The following ZC3H18 variants were observed in gnomAD, a reference collection of about 807,000 sequenced individuals.
The protein encoded by ZC3H18 is zinc finger CCCH-type containing 18, also known as zinc finger CCCH domain-containing protein 18.
In ZC3H18, 8 loss-of-function variants were observed where a neutral mutation model predicts 106.1. The observed-to-expected ratio is 0.08, with a 90% CI of 0.04 to 0.14. The LOEUF (loss-of-function observed/expected upper bound fraction) is 0.14. ZC3H18 is among the 10% of genes least tolerant of loss of function. ZC3H18 has a pLI of 1.00. For missense variants in ZC3H18, 1,318 were observed against 1,278.4 expected (o/e 1.03, Z -0.47); for synonymous variants, 635 against 522.1 (o/e 1.22, Z -2.95).
chr16:88,577,804 T>G (rs1172854449), intron 2 of ZC3H18, 78 bp downstream of exon 2: 1 of 1,606,118 alleles, frequency 6.2e-7, no homozygotes, highest in East Asian at 2.2e-5. Context: ...AAGGAGGGAC[T>G]CTGTGTGGGA....
chr16:88,608,889 A>G (rs765569979), intron 6 of ZC3H18, 45 bp from the exon 7 acceptor site: 38 of 1,499,882 alleles, frequency 2.5e-5, no homozygotes, highest in Non-Finnish European at 3.4e-5. Context: ...TTTTTACGCC[A>G]GTGCTCCTAA....
chr16:88,603,022 T>G (rs139960281), intron 6 of ZC3H18, among the ~76,000 whole-genome samples: 225 of 151,950 alleles, frequency 1.5e-3, no homozygotes, highest in African/African-American at 5.2e-3. Context: ...TGGAGTGTAG[T>G]GGTGCCATCT....
intron 3 of ZC3H18, among the ~76,000 whole-genome samples, chr16:88,592,742 G>A (rs1384629019): frequency 4.6e-5 from 7 of 152,156 alleles, no homozygotes; most frequent in Non-Finnish European, 8.8e-5. Context: ...CTCCCAAATC[G>A]AAACTATATT....
At chr16:88,583,511 C>A (rs1417579476) in intron 2 of ZC3H18, among the ~76,000 whole-genome samples, 1 of 152,236 alleles carries the variant, frequency 6.6e-6, no homozygotes, top group Non-Finnish European at 1.5e-5. Context: ...GGTGACCTGT[C>A]CACACTCACA....
At chr16:88,608,798 C>T (rs1347689446) in intron 6 of ZC3H18, 136 bp from the exon 7 acceptor site, 4 of 641,758 alleles carry the variant, frequency 6.2e-6, no homozygotes, top group Non-Finnish European at 1.1e-5. Flanking sequence ...ATTTCCTAAC[C>T]TTGAGCCAAC....
chr16:88,610,085 A>C (rs958998337), intron 7 of ZC3H18, among the ~76,000 whole-genome samples: 2 of 151,690 alleles, frequency 1.3e-5, no homozygotes, highest in African/African-American at 4.9e-5. Context: ...GCTGCACCTC[A>C]CTGCTCTCAT....
At chr16:88,610,410 C>T (rs1339379765) in intron 7 of ZC3H18, among the ~76,000 whole-genome samples, 2 of 152,172 alleles carry the variant, frequency 1.3e-5, no homozygotes, top group African/African-American at 2.4e-5. Context: ...TCTTGTGCCC[C>T]GTCTCTCCAT....
At chr16:88,587,542 A>T (rs1336511838) in intron 3 of ZC3H18, 2 of 1,536,038 alleles carry the variant, frequency 1.3e-6, no homozygotes, top group South Asian at 2.4e-5. Context: ...TCTTTTCCAG[A>T]TGTTGTGACA....
At position 88,573,860 on chromosome 16, in the gene ZC3H18, T is replaced by A. The variant is rs139786903; in HGVS notation, c.-14-3250T>A. 4.1e-3 allele frequency among the ~76,000 whole-genome samples: 621 copies of A among 152,162 alleles called. 15 individuals are homozygous for A. In the South Asian group the frequency reaches 0.048, roughly 12 times the overall value. On this transcript the variant is annotated intron_variant, in intron 1 of 17. Coordinates refer to ENST00000301011, the MANE Select transcript of ZC3H18 (RefSeq NM_144604.4). ...GGATTGGTTGGTTTGTAAATCTATG[T>A]TATTGCTAACCATTTAGGTTTTTTT...
At position 88,590,564 on chromosome 16, in the gene ZC3H18, C is replaced by CTTT. The variant is rs57632461; in HGVS notation, c.688+3894_688+3896dup. Among the ~76,000 whole-genome samples, 366 of 100,644 alleles carry CTTT rather than the reference C, an allele frequency of 3.6e-3. 19 individuals carry two copies. The highest frequency in any genetic ancestry group is 0.013 in the African/African-American group (346 of 26,080). The allele number at this position is 100,644 out of a possible 152,430, so 66.0% of individuals were successfully genotyped here. The stretch of plus-strand genomic sequence containing the variant: ...TGTCCCACTTTGGGTTTCTTTATTT[C>CTTT]TTTTTTTTTTTTTTTTGAGACAGTG... On this transcript the variant is annotated intron_variant, in intron 3 of 17. Coordinates refer to ENST00000301011, the MANE Select transcript of ZC3H18 (RefSeq NM_144604.4).
chr16:88,586,802 T>G (rs563049588), intron 3 of ZC3H18, 118 bp downstream of exon 3: 45 of 629,170 alleles, frequency 7.2e-5, no homozygotes, highest in Middle Eastern at 3.6e-4. Context: ...TGGGCATTAC[T>G]GGCTAGGTGG....
At chr16:88,613,169 C>T (rs948661774) in intron 8 of ZC3H18, among the ~76,000 whole-genome samples, 2 of 152,206 alleles carry the variant, frequency 1.3e-5, no homozygotes, top group African/African-American at 2.4e-5. Flanking sequence ...TCTTCTACTC[C>T]GAGCGTTTTT....
At chr16:88,584,989 C>T (rs1915352546) in intron 2 of ZC3H18, among the ~76,000 whole-genome samples, 1 of 152,202 alleles carries the variant, frequency 6.6e-6, no homozygotes. Context: ...GTGTTCTCCA[C>T]TTAGATTTGA....
rs962429109 is a variant in ZC3H18 at position 88,586,605 on chromosome 16, T to A, written c.609T>A (p.Asp203Glu). Residue 203 changes from aspartate (D) to glutamate (E), a missense_variant, in exon 3 of 18, where the codon GAT becomes GAA. Asp to Glu is a conservative substitution (Grantham distance 45, BLOSUM62 2). Around this residue, in one of 6 missense-constraint regions of ZC3H18, gnomAD observed 346 missense variants for 269.0 expected, o/e 1.29. Transcript: ENST00000301011. ...GACGGTGTTCTCTGTTTCAGGATGA[T>A]GACCTGGAAGAAGGTGAAGTGAAGG... ...GEIDDGEIDD[D>E]DLEEGEVKDP... is the part of the protein sequence containing the mutation. 2 of 1,613,974 alleles carry A rather than the reference T, an allele frequency of 1.2e-6. No individual in the cohort carries two copies. Among genetic ancestry groups the A allele is most frequent in the African/African-American group, 2.7e-5 (2 of 74,936 alleles).
At chr16:88,572,031 C>A (rs911437600) in intron 1 of ZC3H18, among the ~76,000 whole-genome samples, 1 of 152,196 alleles carries the variant, frequency 6.6e-6, no homozygotes, top group Admixed American at 6.5e-5. Flanking sequence ...CAGTCTTATT[C>A]AATAGTCACC....
intron 7 of ZC3H18, 77 bp downstream of exon 7, chr16:88,609,128 AAATAC>A: frequency 2.5e-6 from 3 of 1,214,222 alleles, no homozygotes; most frequent in Non-Finnish European, 3.5e-6. Flanking sequence ...TTACAGTAAA[AAATAC>A]AGGGCTTTAT....
chr16:88,619,640 G>A (rs560385683), intron 8 of ZC3H18, among the ~76,000 whole-genome samples: 1 of 152,300 alleles, frequency 6.6e-6, no homozygotes, highest in Admixed American at 6.5e-5. Flanking sequence ...TGCACTGCCC[G>A]CCTCTCTGGA....
intron 6 of ZC3H18, among the ~76,000 whole-genome samples, chr16:88,605,159 T>C (rs1203472119): frequency 1.3e-5 from 2 of 152,228 alleles, no homozygotes; most frequent in African/African-American, 4.8e-5. Flanking sequence ...TACCTGGGAT[T>C]TGCTGGTGCC....
Position 88,622,394 on chromosome 16 carries a change from G to A in ZC3H18, c.1667+6G>A. ...TCTGCCTCTAATTCCTCCAGGTAAG[G>A]AGGGCTCGTGGGACGGCTGGGGTGT... On this transcript the variant is annotated splice_donor_region_variant and intron_variant, in intron 9 of 17. Transcript: ENST00000301011. 2 of 1,599,796 alleles carry A rather than the reference G, an allele frequency of 1.3e-6. No individual in the cohort carries two copies. The highest frequency in any genetic ancestry group is 1.3e-5 in the African/African-American group (1 of 74,686).
Sources: gnomAD v4.1 joint callset for allele counts (sites outside exome capture counted in the v4.1 genomes callset) on GRCh38, gnomAD v4.1.1 for gene constraint, gnomAD v4.1.1 regional missense constraint, MANE v1.5 for transcripts, NCBI Gene and HGNC (gene_info 2026-07-23, HGNC 2026-07-21) for gene names.